The following WWC1 variants were observed in gnomAD, a reference collection of about 807,000 sequenced individuals.
WWC1 encodes the protein protein KIBRA.
Under a neutral mutation model 138.4 loss-of-function variants are expected in WWC1, and 55 were observed. The ratio of observed to expected loss-of-function variants is 0.40; its 90% confidence interval spans 0.32 to 0.50. WWC1 has a LOEUF of 0.50. Ranked by LOEUF, WWC1 falls within the 20% of genes least tolerant of loss-of-function variation. WWC1 has a pLI of 0.72. For missense variants in WWC1, 1,226 were observed against 1,420.4 expected (o/e 0.86, Z 2.20); for synonymous variants, 524 against 564.9 (o/e 0.93, Z 1.03).
Position 168,460,652 on chromosome 5 carries a change from G to T in WWC1, c.2826G>T (p.Leu942=), listed in dbSNP as rs771762858. Residue 942 remains leucine, a splice_region_variant and synonymous_variant, in exon 20 of 23, where the codon CTG becomes CTT. Transcript: ENST00000265293. The part of the protein sequence containing the change: ...PGPQSQYVCR[L]NRSDSDSSTL... The stretch of plus-strand genomic sequence containing the variant: ...ATTCCATGACTTTTCTCTTGCAGCT[G>T]AATCGGAGTGATAGTGACAGCTCCA... The T allele has an allele frequency of 6.2e-6, 10 of 1,613,886 alleles. No homozygotes were observed. Among genetic ancestry groups the T allele is most frequent in the Middle Eastern group, 1.6e-4 (1 of 6,084 alleles).
chr5:168,449,803 G>A (rs937763848), intron 17 of WWC1, among the ~76,000 whole-genome samples: 5 of 151,920 alleles, frequency 3.3e-5, no homozygotes, highest in African/African-American at 4.8e-5. Flanking sequence ...TCGAACTCCC[G>A]ACCTCAGGTG....
intron 1 of WWC1, among the ~76,000 whole-genome samples, chr5:168,355,981 C>A (rs2152794826): frequency 6.6e-6 from 1 of 151,970 alleles, no homozygotes; most frequent in South Asian, 2.1e-4. Flanking sequence ...CTTGGGGGGG[C>A]TGTGATGAGA....
Position 168,451,080 on chromosome 5 carries a change from GCA to G in WWC1, c.2526-2887_2526-2886del, listed in dbSNP as rs1755768998. Among the ~76,000 whole-genome samples the G allele has an allele frequency of 8.0e-5, 6 of 74,620 alleles. No individual in the cohort carries two copies. The South Asian group carries it at 3.3e-3, about 41-fold the overall frequency. 49.0% of individuals were successfully genotyped at this position (74,620 alleles called of 152,430 possible). A position where few individuals can be genotyped will look rare whatever the true frequency, so the allele number is the denominator to read the frequency against. The stretch of plus-strand genomic sequence containing the variant: ...GCCCAGGCTGCGATCTCGGCTCACT[GCA>G]ATCTCGGCTCACTGCAATCTCCACC... On this transcript the variant is annotated intron_variant, in intron 17 of 22. Transcript: ENST00000265293.
chr5:168,461,940 C>T (rs1391688355), intron 20 of WWC1, among the ~76,000 whole-genome samples: 3 of 151,890 alleles, frequency 2.0e-5, no homozygotes, highest in Non-Finnish European at 4.4e-5. Flanking sequence ...CCTGTAATCC[C>T]AGCTACTCGG....
chr5:168,321,569 T>G (rs574158212), intron 1 of WWC1, among the ~76,000 whole-genome samples: 1 of 151,274 alleles, frequency 6.6e-6, no homozygotes, highest in Admixed American at 6.6e-5. Context: ...AGTTTCACTC[T>G]TGTTGCCCAG....
At chr5:168,428,239 C>G in intron 12 of WWC1, 98 bp downstream of exon 12, 11 of 1,266,818 alleles carry the variant, frequency 8.7e-6, no homozygotes, top group East Asian at 5.2e-5. Context: ...TTTTGGCCCC[C>G]ACAGTGTGTG....
chr5:168,409,779 G>A (rs1448849369), intron 7 of WWC1, 143 bp from the exon 8 acceptor site: 3 of 785,276 alleles, frequency 3.8e-6, no homozygotes, highest in African/African-American at 1.7e-5. Flanking sequence ...GCTTCCCTGC[G>A]ATCTGCACCG....
At chr5:168,390,650 A>G (rs1343128377) in intron 3 of WWC1, among the ~76,000 whole-genome samples, 1 of 152,244 alleles carries the variant, frequency 6.6e-6, no homozygotes, top group Non-Finnish European at 1.5e-5. Context: ...TCTTGGCATG[A>G]CAGATGGATG....
intron 15 of WWC1, among the ~76,000 whole-genome samples, chr5:168,438,851 C>T (rs1351572601): frequency 1.3e-5 from 2 of 151,612 alleles, no homozygotes; most frequent in East Asian, 1.9e-4. Flanking sequence ...TCTCTGTGAG[C>T]TTATAGTCAG....
intron 2 of WWC1, among the ~76,000 whole-genome samples, chr5:168,380,544 G>T (rs1244624930): frequency 6.6e-6 from 1 of 152,180 alleles, no homozygotes; most frequent in Non-Finnish European, 1.5e-5. Flanking sequence ...GCAAGGATGT[G>T]GAAGAACTAG....
At chr5:168,313,055 G>A (rs13183865) in intron 1 of WWC1, among the ~76,000 whole-genome samples, 25,209 of 151,634 alleles carry the variant, frequency 0.17, 2,550 homozygotes, top group Admixed American at 0.27. Flanking sequence ...TGATTCACCC[G>A]CCTCGGCCTC....
intron 17 of WWC1, among the ~76,000 whole-genome samples, chr5:168,450,954 G>T (rs4976611): frequency 0.31 from 47,347 of 151,880 alleles, 8,694 homozygotes; most frequent in Middle Eastern, 0.46. Flanking sequence ...GATTCATAGC[G>T]CAAATATACT....
chr5:168,432,353 C>G (rs1782016819), intron 15 of WWC1, among the ~76,000 whole-genome samples: 1 of 152,190 alleles, frequency 6.6e-6, no homozygotes, highest in African/African-American at 2.4e-5. Flanking sequence ...GCTTCCATCT[C>G]TCACTGCATT....
At chr5:168,424,344 T>G (rs1781350119) in intron 11 of WWC1, among the ~76,000 whole-genome samples, 1 of 152,214 alleles carries the variant, frequency 6.6e-6, no homozygotes, top group South Asian at 2.1e-4. Context: ...TGGATATACA[T>G]GGATTCATCT....
chr5:168,424,094 G>A, intron 11 of WWC1, 26 bp downstream of exon 11: 1 of 1,554,666 alleles, frequency 6.4e-7, no homozygotes, highest in African/African-American at 1.4e-5. Flanking sequence ...CCCAGAGGGT[G>A]GGAACCAGGA....
intron 15 of WWC1, among the ~76,000 whole-genome samples, chr5:168,434,634 C>T (rs1227413622): frequency 1.3e-5 from 2 of 152,186 alleles, no homozygotes; most frequent in Admixed American, 1.3e-4. Flanking sequence ...ACTCCAGCTT[C>T]CTTATGTGTA....
At chr5:168,415,951 C>G (rs551405040) in intron 9 of WWC1, 51 of 151,972 alleles carry the variant, frequency 3.4e-4, no homozygotes, top group African/African-American at 1.1e-3. Flanking sequence ...AGTAAACGTG[C>G]CTACTGCCTC....
intron 1 of WWC1, among the ~76,000 whole-genome samples, chr5:168,361,116 G>C (rs940746786): frequency 6.6e-6 from 1 of 152,194 alleles, no homozygotes; most frequent in Non-Finnish European, 1.5e-5. Context: ...CTGGGAAGCA[G>C]GTTTTCTTGT....
intron 1 of WWC1, among the ~76,000 whole-genome samples, chr5:168,353,037 A>G (rs1346400477): frequency 6.6e-6 from 1 of 152,152 alleles, no homozygotes; most frequent in African/African-American, 2.4e-5. Flanking sequence ...ATTGTTACTA[A>G]TGAGGTGAAG....
Sources: allele counts gnomAD v4.1 joint callset (sites outside exome capture counted in the v4.1 genomes callset), GRCh38; gene constraint gnomAD v4.1.1; transcripts MANE v1.5; gene names NCBI Gene and HGNC (gene_info 2026-07-23, HGNC 2026-07-21).